RASGRF1: variants seen among roughly 807,000 people sequenced by gnomAD.
RASGRF1 encodes ras-specific guanine nucleotide-releasing factor 1.
RASGRF1 carries 40 observed loss-of-function variants against 138.7 expected under a neutral mutation model. The observed-to-expected ratio is 0.29, with a 90% CI of 0.22 to 0.38. The LOEUF is 0.38. Among genes scored for constraint, RASGRF1 ranks in the 10% least tolerant of loss-of-function variants. The pLI, the probability that RASGRF1 is intolerant of heterozygous loss-of-function variation, is 1.00. For synonymous variants in RASGRF1, 614 were observed against 663.2 expected, an observed-to-expected ratio of 0.93 and a Z score of 1.14; for missense variants, 1,108 against 1,650.4, an observed-to-expected ratio of 0.67 and a Z score of 5.69.
chr15:79,081,949 CAG>C (rs1297073300), intron 1 of RASGRF1, among the ~76,000 whole-genome samples: 3 of 152,206 alleles, frequency 2.0e-5, no homozygotes, highest in Non-Finnish European at 4.4e-5. Flanking sequence ...TCAAGAATGA[CAG>C]AGTCACCGAG....
At chr15:79,031,740 G>C (rs556306603) in intron 7 of RASGRF1, among the ~76,000 whole-genome samples, 1 of 151,370 alleles carries the variant, frequency 6.6e-6, no homozygotes, top group East Asian at 2.0e-4. Flanking sequence ...GGCCAGGGGA[G>C]AGAGAGCACG....
At chr15:79,035,554 G>A (rs572839471) in intron 5 of RASGRF1, among the ~76,000 whole-genome samples, 179 of 152,358 alleles carry the variant, frequency 1.2e-3, no homozygotes, top group Admixed American at 1.3e-3. Flanking sequence ...TCAAGTCCCG[G>A]CCTGCTGGGC....
At chr15:79,072,139 G>C (rs999993065) in intron 1 of RASGRF1, among the ~76,000 whole-genome samples, 10 of 152,106 alleles carry the variant, frequency 6.6e-5, no homozygotes, top group Non-Finnish European at 1.3e-4. Flanking sequence ...GGCCAGCTCA[G>C]CTCCCTGGAG....
intron 13 of RASGRF1, among the ~76,000 whole-genome samples, chr15:79,013,439 T>C (rs2056830813): frequency 6.6e-6 from 1 of 152,248 alleles, no homozygotes; most frequent in Non-Finnish European, 1.5e-5. Context: ...CATAAAGGAC[T>C]CACTTCATCA....
In RASGRF1 at chr15:79,005,523, G is replaced by T. The variant is rs143699898; in HGVS notation, c.2075+663C>A. 1,176 of 985,578 alleles carry T rather than the reference G, an allele frequency of 1.2e-3. 9 individuals carry two copies. The African/African-American group carries it at 0.019, about 16-fold the overall frequency. The allele number at this position is 985,578 out of a possible 1,614,324, so 61.1% of individuals were successfully genotyped here. On this transcript the variant is annotated intron_variant, in intron 14 of 26. Coordinates refer to ENST00000558480, the MANE Select transcript of RASGRF1 (RefSeq NM_001145648.3). Reference sequence around the variant, plus strand: ...CCTGGATGCAGTGAAGTCCATTAGGGGCCTGAGCCAATCCCTGAACTTGGC... The same window carrying T: ...CCTGGATGCAGTGAAGTCCATTAGGTGCCTGAGCCAATCCCTGAACTTGGC...
chr15:79,042,695 C>T (rs1030505815), intron 5 of RASGRF1, among the ~76,000 whole-genome samples: 13 of 152,194 alleles, frequency 8.5e-5, no homozygotes, highest in African/African-American at 3.1e-4. Flanking sequence ...TTGAGCATTT[C>T]CTGCCACCTC....
At chr15:78,999,504 TG>T (rs1429225305) in intron 17 of RASGRF1, among the ~76,000 whole-genome samples, 2 of 151,972 alleles carry the variant, frequency 1.3e-5, no homozygotes, top group Non-Finnish European at 2.9e-5. Flanking sequence ...CCTCCACAAG[TG>T]GAAGGCGGTG....
At chr15:79,080,527 C>T (rs766868098) in intron 1 of RASGRF1, among the ~76,000 whole-genome samples, 4 of 152,218 alleles carry the variant, frequency 2.6e-5, no homozygotes, top group East Asian at 3.8e-4. Flanking sequence ...TATAGTCTCA[C>T]AGGAAAAGTT....
chr15:79,036,131 C>A (rs917640419), intron 5 of RASGRF1, among the ~76,000 whole-genome samples: 1 of 152,208 alleles, frequency 6.6e-6, no homozygotes, highest in Non-Finnish European at 1.5e-5. Context: ...AACACCAGAG[C>A]GAGGCGGCTT....
At chr15:79,080,488 T>G (rs1046920074) in intron 1 of RASGRF1, among the ~76,000 whole-genome samples, 1 of 152,236 alleles carries the variant, frequency 6.6e-6, no homozygotes, top group African/African-American at 2.4e-5. Context: ...CCAAGAGGTA[T>G]CTAAACAAAG....
In RASGRF1 at chr15:79,005,469, C is replaced by T. The variant is rs117011872; in HGVS notation, c.2075+717G>A. 497 of 985,366 alleles carry T rather than the reference C, an allele frequency of 5.0e-4. 12 individuals carry two copies. The East Asian group carries it at 0.045, about 90-fold the overall frequency. 61.0% of individuals were successfully genotyped at this position (985,366 alleles called of 1,614,324 possible). A position where few individuals can be genotyped will look rare whatever the true frequency, so the allele number is the denominator to read the frequency against. The stretch of plus-strand genomic sequence containing the variant: ...CCACAACTGGGATCTGGGTAGGTGG[C>T]CTCTCGGAAAAGATAATCACCTACC... On this transcript the variant is annotated intron_variant, in intron 14 of 26. Coordinates refer to ENST00000558480, the MANE Select transcript of RASGRF1 (RefSeq NM_001145648.3).
rs1274137885 is a variant in RASGRF1, at chr15:79,065,570, G to T, written c.277-1044C>A. Among the ~76,000 whole-genome samples, 7 of 152,056 alleles carry T rather than the reference G, an allele frequency of 4.6e-5. No homozygotes were observed. The South Asian group carries it at 1.5e-3, about 32-fold the overall frequency. The stretch of plus-strand genomic sequence containing the variant: ...GGAGGAAGGGGCAGGGGGCTCTGAG[G>T]GGCCAGCTCCGCATGCAGAGGGATT... On this transcript the variant is annotated intron_variant, in intron 1 of 26. Coordinates refer to ENST00000558480, the MANE Select transcript of RASGRF1 (RefSeq NM_001145648.3).
At chr15:79,068,370 T>A (rs1255140306) in intron 1 of RASGRF1, among the ~76,000 whole-genome samples, 1 of 151,848 alleles carries the variant, frequency 6.6e-6, no homozygotes, top group African/African-American at 2.4e-5. Context: ...GTTGAGACAG[T>A]GTGGCTTGGG....
intron 13 of RASGRF1, among the ~76,000 whole-genome samples, chr15:79,009,306 G>C (rs755545299): frequency 6.6e-6 from 1 of 152,226 alleles, no homozygotes; most frequent in Non-Finnish European, 1.5e-5. Flanking sequence ...AAAGGAAGGT[G>C]AGAAACTGTG....
chr15:79,044,885 C>A (rs1210674482), intron 5 of RASGRF1, among the ~76,000 whole-genome samples: 1 of 152,078 alleles, frequency 6.6e-6, no homozygotes, highest in African/African-American at 2.4e-5. Context: ...ATGCTGTGAG[C>A]TGGCATGAAT....
chr15:79,049,487 A>G lies in RASGRF1; in HGVS notation c.624+9T>C, dbSNP rs371498765. The G allele has an allele frequency of 6.2e-7, 1 of 1,613,028 alleles. No homozygotes were observed. The highest frequency in any genetic ancestry group is 1.3e-5 in the African/African-American group (1 of 74,854). On this transcript the variant is annotated intron_variant, in intron 4 of 26. Transcript: ENST00000558480. ...TCCAAAGAAGGCCACCCAGAGGGAT[A>G]GCACTGACCTTCTTAATTTTCTTGA...
intron 26 of RASGRF1, among the ~76,000 whole-genome samples, chr15:78,968,106 A>G (rs2055678817): frequency 1.3e-5 from 2 of 151,772 alleles, no homozygotes; most frequent in Admixed American, 6.6e-5. Context: ...TTTTCATTAT[A>G]GAGACAGGGT....
intron 20 of RASGRF1, among the ~76,000 whole-genome samples, chr15:78,995,290 CTTTTT>C (rs35098582): frequency 7.6e-6 from 1 of 132,434 alleles, no homozygotes; most frequent in African/African-American, 2.9e-5. Flanking sequence ...TTTTTTCTTT[CTTTTT>C]TTTTTTTTTT....
intron 5 of RASGRF1, among the ~76,000 whole-genome samples, chr15:79,040,673 A>G (rs529718249): frequency 5.4e-4 from 80 of 148,132 alleles, no homozygotes; most frequent in African/African-American, 1.9e-3. Flanking sequence ...GAGAGTCTGT[A>G]CACACACAAA....
Sources: allele counts gnomAD v4.1 joint callset (sites outside exome capture counted in the v4.1 genomes callset), GRCh38; gene constraint gnomAD v4.1.1; transcripts MANE v1.5; gene names NCBI Gene and HGNC (gene_info 2026-07-23, HGNC 2026-07-21).